The following LRBA variants were observed in gnomAD, a reference collection of about 807,000 sequenced individuals.
The protein encoded by LRBA is lipopolysaccharide-responsive and beige-like anchor protein.
A neutral mutation model predicts 330.0 loss-of-function variants in LRBA; 176 were observed. That is an observed-to-expected ratio of 0.53 (90% CI 0.47 to 0.60). The LOEUF (loss-of-function observed/expected upper bound fraction) is 0.60. LRBA is among the 20% of genes least tolerant of loss of function. The pLI, the probability that LRBA is intolerant of heterozygous loss-of-function variation, is 0.00. For synonymous variants in LRBA, 1,230 were observed against 1,193.0 expected (o/e 1.03, Z -0.64); for missense variants, 3,259 against 3,444.8 (o/e 0.95, Z 1.35).
intron 37 of LRBA, among the ~76,000 whole-genome samples, chr4:150,639,218 G>T (rs1467969894): frequency 2.1e-5 from 3 of 140,912 alleles, no homozygotes; most frequent in Non-Finnish European, 4.6e-5. Context: ...TAGGGGAAGG[G>T]GGGAGGGGGG....
chr4:150,885,416 T>C (rs954078911), intron 17 of LRBA, among the ~76,000 whole-genome samples: 15 of 152,026 alleles, frequency 9.9e-5, no homozygotes, highest in African/African-American at 3.4e-4. Flanking sequence ...AGGCCAGGCA[T>C]TCGAGACCAG....
At chr4:150,995,186 G>C (rs1742499165) in intron 2 of LRBA, among the ~76,000 whole-genome samples, 1 of 152,004 alleles carries the variant, frequency 6.6e-6, no homozygotes, top group African/African-American at 2.4e-5. Context: ...GAAAAACTCA[G>C]ACTAAAAATT....
intron 35 of LRBA, among the ~76,000 whole-genome samples, chr4:150,738,748 T>G (rs1174383385): frequency 6.6e-6 from 1 of 152,124 alleles, no homozygotes; most frequent in South Asian, 2.1e-4. Context: ...AATTATAATA[T>G]TCATACTACA....
intron 55 of LRBA, among the ~76,000 whole-genome samples, chr4:150,281,865 C>G (rs1295454878): frequency 6.6e-6 from 1 of 152,178 alleles, no homozygotes; most frequent in East Asian, 1.9e-4. Flanking sequence ...GAAGCAAGAG[C>G]CCAGAAGGTC....
chr4:150,971,378 ATGTAAG>A (rs1739566809), intron 2 of LRBA, among the ~76,000 whole-genome samples: 1 of 152,182 alleles, frequency 6.6e-6, no homozygotes, highest in Non-Finnish European at 1.5e-5. Context: ...TAAGGTCATC[ATGTAAG>A]CCAGCCCAGT....
intron 2 of LRBA, among the ~76,000 whole-genome samples, chr4:150,998,650 C>A (rs1008591944): frequency 6.6e-6 from 1 of 152,060 alleles, no homozygotes; most frequent in Non-Finnish European, 1.5e-5. Flanking sequence ...CAACCGCACC[C>A]GGCAGGAAAA....
chr4:150,991,932 C>G (rs539622259), intron 2 of LRBA, among the ~76,000 whole-genome samples: 1 of 152,188 alleles, frequency 6.6e-6, no homozygotes, highest in South Asian at 2.1e-4. Context: ...AAGTTATGAA[C>G]AAAGTTCTGT....
At chr4:150,492,014 T>C (rs1244804267) in intron 40 of LRBA, among the ~76,000 whole-genome samples, 1 of 152,118 alleles carries the variant, frequency 6.6e-6, no homozygotes, top group Non-Finnish European at 1.5e-5. Flanking sequence ...CATTTGATTA[T>C]GATACTACAT....
intron 26 of LRBA, among the ~76,000 whole-genome samples, chr4:150,848,439 A>G (rs1750152808): frequency 6.6e-6 from 1 of 152,086 alleles, no homozygotes; most frequent in Non-Finnish European, 1.5e-5. Context: ...TAGAGCAAAA[A>G]GAGATAGGGG....
At chr4:151,010,637 T>C (rs1389371598) in intron 2 of LRBA, among the ~76,000 whole-genome samples, 2 of 152,068 alleles carry the variant, frequency 1.3e-5, no homozygotes, top group Non-Finnish European at 2.9e-5. Flanking sequence ...TCCCAGCACT[T>C]TGGGAAGGCC....
intron 42 of LRBA, among the ~76,000 whole-genome samples, chr4:150,485,072 C>T (rs556862727): frequency 1.8e-3 from 275 of 151,982 alleles, no homozygotes; most frequent in South Asian, 3.1e-3. Context: ...AAATGTTCTA[C>T]GTGTATTTAA....
At chr4:150,985,257 C>CAAA (rs1225680637) in intron 2 of LRBA, among the ~76,000 whole-genome samples, 1 of 80,292 alleles carries the variant, frequency 1.2e-5, no homozygotes. Context: ...GACTCCATCT[C>CAAA]AAAAAAAAAA....
At chr4:150,485,926 G>T (rs1359191308) in intron 42 of LRBA, among the ~76,000 whole-genome samples, 1 of 151,888 alleles carries the variant, frequency 6.6e-6, no homozygotes, top group Non-Finnish European at 1.5e-5. Context: ...GGTTGCCAGA[G>T]GCAGAGGAGT....
intron 17 of LRBA, among the ~76,000 whole-genome samples, chr4:150,890,086 G>A (rs572940961): frequency 1.2e-4 from 19 of 152,204 alleles, no homozygotes; most frequent in African/African-American, 3.6e-4. Flanking sequence ...AAACAAGAAC[G>A]TGCTCTAAAA....
intron 34 of LRBA, among the ~76,000 whole-genome samples, chr4:150,788,668 A>G (rs1418989824): frequency 6.6e-6 from 1 of 151,718 alleles, no homozygotes; most frequent in Admixed American, 6.6e-5. Flanking sequence ...AGCTGAGGCC[A>G]GAGAATCACT....
At chr4:150,641,544 TAGG>T (rs1306824222) in intron 37 of LRBA, among the ~76,000 whole-genome samples, 1 of 152,162 alleles carries the variant, frequency 6.6e-6, no homozygotes, top group African/African-American at 2.4e-5. Flanking sequence ...ACAGTTAAAA[TAGG>T]AGAATAAATT....
intron 48 of LRBA, among the ~76,000 whole-genome samples, chr4:150,344,615 G>A (rs1353433043): frequency 4.6e-5 from 7 of 152,188 alleles, no homozygotes; most frequent in Non-Finnish European, 1.0e-4. Context: ...AGGCTGGAGT[G>A]CAATGGCAGG....
chr4:150,497,370 A>G (rs941088512), intron 40 of LRBA, among the ~76,000 whole-genome samples: 11 of 152,180 alleles, frequency 7.2e-5, no homozygotes, highest in Non-Finnish European at 1.6e-4. Context: ...TGACAATGAC[A>G]CACAGTCGAC....
At chr4:150,699,280 G>A (rs1405820376) in intron 36 of LRBA, among the ~76,000 whole-genome samples, 1 of 152,106 alleles carries the variant, frequency 6.6e-6, no homozygotes, top group Non-Finnish European at 1.5e-5. Context: ...GTTCAAGAGT[G>A]TGGCCTATGA....
Sources: gnomAD v4.1 joint callset for allele counts (sites outside exome capture counted in the v4.1 genomes callset) on GRCh38, gnomAD v4.1.1 for gene constraint, MANE v1.5 for transcripts, NCBI Gene and HGNC (gene_info 2026-07-23, HGNC 2026-07-21) for gene names.